The following LANCL2 variants were observed in gnomAD, a reference collection of about 807,000 sequenced individuals.
LANCL2 encodes LanC like glutathione S-transferase 2.
A neutral mutation model predicts 56.9 loss-of-function variants in LANCL2; 33 were observed. The observed-to-expected ratio is 0.58, with a 90% CI of 0.44 to 0.78. LANCL2 has a LOEUF of 0.78. Ranked by LOEUF, LANCL2 falls within the 30% of genes least tolerant of loss-of-function variation. LANCL2 has a pLI of 0.00. For missense variants in LANCL2, 562 were observed against 580.2 expected (o/e 0.97, Z 0.32); for synonymous variants, 233 against 228.2 (o/e 1.02, Z -0.19).
At chr7:55,415,270 T>C (rs576500547) in intron 6 of LANCL2, among the ~76,000 whole-genome samples, 2 of 152,274 alleles carry the variant, frequency 1.3e-5, no homozygotes, top group South Asian at 4.1e-4. Flanking sequence ...CCCACCAGGG[T>C]GACACGAGTG....
At chr7:55,366,307 C>A in intron 1 of LANCL2, 78 bp downstream of exon 1, 1 of 1,264,834 alleles carries the variant, frequency 7.9e-7, no homozygotes, top group Non-Finnish European at 1.1e-6. Context: ...CCAGGCGTGA[C>A]GTCACAGGCG....
At chr7:55,415,335 C>T (rs1230957789) in intron 6 of LANCL2, among the ~76,000 whole-genome samples, 1 of 152,242 alleles carries the variant, frequency 6.6e-6, no homozygotes, top group Non-Finnish European at 1.5e-5. Flanking sequence ...ACTGCTTGTG[C>T]CCACACGCCT....
chr7:55,430,946 C>T (rs894414007), intron 8 of LANCL2, among the ~76,000 whole-genome samples: 1 of 152,222 alleles, frequency 6.6e-6, no homozygotes, highest in Admixed American at 6.5e-5. Flanking sequence ...TCCATAACTT[C>T]CATAGCGATT....
At chr7:55,371,271 C>T (rs1391914833) in intron 1 of LANCL2, among the ~76,000 whole-genome samples, 1 of 152,098 alleles carries the variant, frequency 6.6e-6, no homozygotes, top group Non-Finnish European at 1.5e-5. Context: ...CAGGGTCTCA[C>T]TCTGTTGTAG....
intron 1 of LANCL2, among the ~76,000 whole-genome samples, chr7:55,367,542 T>C (rs1462384358): frequency 6.6e-6 from 1 of 152,166 alleles, no homozygotes; most frequent in Admixed American, 6.5e-5. Flanking sequence ...CTGGCCAACA[T>C]GGCAAAACAC....
Position 55,401,254 on chromosome 7 carries a change from G to C in LANCL2, c.759G>C (p.Gln253His), listed in dbSNP as rs901391612. The C allele has an allele frequency of 6.2e-7, 1 of 1,614,138 alleles. No individual in the cohort carries two copies. The highest frequency in any genetic ancestry group is 8.5e-7 in the Non-Finnish European group (1 of 1,179,994). The change falls in exon 5 of 9, where the codon CAG becomes CAC. Residue 253 changes from glutamine to histidine, a missense_variant. By Grantham distance (24) the Gln-to-His change is conservative (BLOSUM62 0). Around this residue, in one of 2 missense-constraint regions of LANCL2, gnomAD observed 378 missense variants for 468.4 expected, o/e 0.81. Coordinates refer to ENST00000254770, the MANE Select transcript of LANCL2 (RefSeq NM_018697.4). ...CGGAGCGCTGCCCGCTGTTGTACCA[G>C]TGGCACCGGAAGCAGTACGTTGGAG... ...RKTERCPLLYQWHRKQYVGAA... is the reference protein window; with the variant it reads ...RKTERCPLLYHWHRKQYVGAA...
At chr7:55,405,089 G>A (rs1790389896) in intron 5 of LANCL2, among the ~76,000 whole-genome samples, 1 of 152,210 alleles carries the variant, frequency 6.6e-6, no homozygotes. Context: ...CGCAACCATG[G>A]AGTCCCAGAA....
chr7:55,401,576 TGGGTGTTTCTCGCAGAGGG>T (rs1324130192), intron 5 of LANCL2, among the ~76,000 whole-genome samples: 10 of 132,134 alleles, frequency 7.6e-5, no homozygotes, highest in Admixed American at 6.1e-4. Flanking sequence ...TGATCATTCT[TGGGTGTTTCTCGCAGAGGG>T]GGATTTGGCA....
chr7:55,428,128 C>T (rs1299918464), intron 7 of LANCL2: 6 of 558,612 alleles, frequency 1.1e-5, no homozygotes, highest in African/African-American at 3.7e-5. Flanking sequence ...TTGAGCCGTT[C>T]GGTTTTCACC....
At chr7:55,397,656 C>CTTTTTTTTTTTTTTTTTTTTTTTTTTT (rs10659615) in intron 2 of LANCL2, among the ~76,000 whole-genome samples, 8 of 108,852 alleles carry the variant, frequency 7.3e-5, no homozygotes, top group Admixed American at 2.1e-4. Flanking sequence ...TATACTGATT[C>CTTTTTTTTTTTTTTTTTTTTTTTTTTT]TTTTTTTTTT....
chr7:55,386,273 T>G (rs934099486), intron 1 of LANCL2, among the ~76,000 whole-genome samples: 9 of 152,238 alleles, frequency 5.9e-5, no homozygotes, highest in Non-Finnish European at 1.0e-4. Context: ...TAAGTGTCCA[T>G]GAAGTCTTTA....
chr7:55,386,166 G>A (rs1489726553), intron 1 of LANCL2, among the ~76,000 whole-genome samples: 1 of 152,126 alleles, frequency 6.6e-6, no homozygotes, highest in Non-Finnish European at 1.5e-5. Context: ...TTATTACAGG[G>A]TCCTGAGATG....
intron 2 of LANCL2, among the ~76,000 whole-genome samples, chr7:55,397,422 C>T (rs1308956616): frequency 1.4e-5 from 2 of 143,718 alleles, no homozygotes; most frequent in Non-Finnish European, 3.0e-5. Context: ...GATCGTGCTG[C>T]TGCACTCCAG....
intron 6 of LANCL2, among the ~76,000 whole-genome samples, chr7:55,424,322 A>G (rs1027596790): frequency 6.6e-6 from 1 of 152,170 alleles, no homozygotes; most frequent in African/African-American, 2.4e-5. Flanking sequence ...AGCTGACCAT[A>G]TAAACAACTC....
In LANCL2 at chr7:55,416,832, G is replaced by A. The variant is rs796097225; in HGVS notation, c.1008+4743G>A. On this transcript the variant is annotated intron_variant, in intron 6 of 8. Coordinates refer to ENST00000254770, the MANE Select transcript of LANCL2 (RefSeq NM_018697.4). ...TTATGATAATTACTGTCTGTGTTTT[G>A]TCTAAGAAACCTTATCTACCCTCAG... 1.1e-4 allele frequency among the ~76,000 whole-genome samples: 16 copies of A among 151,804 alleles called. No individual in the cohort carries two copies. The East Asian group carries it at 2.5e-3, about 24-fold the overall frequency.
intron 6 of LANCL2, among the ~76,000 whole-genome samples, chr7:55,424,504 T>G (rs1406067272): frequency 6.6e-6 from 1 of 152,248 alleles, no homozygotes; most frequent in East Asian, 1.9e-4. Context: ...CTCTCTCGAT[T>G]GCCTTCTACA....
chr7:55,376,705 T>C (rs1011597281), intron 1 of LANCL2, among the ~76,000 whole-genome samples: 1 of 152,248 alleles, frequency 6.6e-6, no homozygotes, highest in African/African-American at 2.4e-5. Context: ...TATATTTTCT[T>C]GAGTATACCA....
At chr7:55,379,054 G>C (rs1357318531) in intron 1 of LANCL2, among the ~76,000 whole-genome samples, 1 of 152,168 alleles carries the variant, frequency 6.6e-6, no homozygotes, top group Non-Finnish European at 1.5e-5. Context: ...TGGTGTGAAG[G>C]CAGGAGAATG....
At chr7:55,395,303 G>GA (rs1439890776) in intron 2 of LANCL2, among the ~76,000 whole-genome samples, 1 of 152,142 alleles carries the variant, frequency 6.6e-6, no homozygotes, top group African/African-American at 2.4e-5. Context: ...ACAAAGTGGA[G>GA]AAAAATTGGC....
Sources: gnomAD v4.1 joint callset for allele counts (sites outside exome capture counted in the v4.1 genomes callset) on GRCh38, gnomAD v4.1.1 for gene constraint, gnomAD v4.1.1 regional missense constraint, MANE v1.5 for transcripts, NCBI Gene and HGNC (gene_info 2026-07-23, HGNC 2026-07-21) for gene names.